Variants in CDH1 observed in about 807,000 individuals in gnomAD.
CDH1 encodes cadherin-1.
In CDH1, 35 loss-of-function variants were observed where a neutral mutation model predicts 84.5. The ratio of observed to expected loss-of-function variants is 0.41; its 90% CI spans 0.32 to 0.55. CDH1 has a LOEUF of 0.55. CDH1 is among the 20% of genes least tolerant of loss of function. The pLI, the probability that CDH1 is intolerant of heterozygous loss-of-function variation, is 0.19. For missense variants in CDH1, 994 were observed against 1,126.6 expected, an observed-to-expected ratio of 0.88 and a Z score of 1.68; for synonymous variants, 417 against 439.0, an observed-to-expected ratio of 0.95 and a Z score of 0.63.
intron 10 of CDH1, among the ~76,000 whole-genome samples, chr16:68,817,631 G>C (rs1021054285): frequency 6.6e-5 from 10 of 152,202 alleles, no homozygotes; most frequent in Admixed American, 2.0e-4. Flanking sequence ...GCACTAGGGA[G>C]GCCACAGCAT....
chr16:68,758,234 TG>T (rs1963073495), intron 2 of CDH1, among the ~76,000 whole-genome samples: 2 of 116,918 alleles, frequency 1.7e-5, no homozygotes, highest in African/African-American at 3.2e-5. Flanking sequence ...TTTTTTTTTT[TG>T]AGAGAGAGAG....
At chr16:68,771,525 G>A (rs567265147) in intron 2 of CDH1, among the ~76,000 whole-genome samples, 95 of 151,952 alleles carry the variant, frequency 6.3e-4, no homozygotes, top group Admixed American at 7.9e-4. Flanking sequence ...AGGTGGAGGC[G>A]GGTGGATCAC....
At position 68,793,593 on chromosome 16, in the gene CDH1, T is replaced by C. The variant is rs557605479; in HGVS notation, c.164-8077T>C. On this transcript the variant is annotated intron_variant, in intron 2 of 15. Transcript: ENST00000261769. The stretch of plus-strand genomic sequence containing the variant: ...TAAGTTCCTTCTCTGTTTCCCCATT[T>C]ATAGGAAAGGGATGCTGGCCAGGCG... 1.5e-3 allele frequency among the ~76,000 whole-genome samples: 225 copies of C among 152,284 alleles called. 1 individual carries two copies. The South Asian group carries it at 0.024, about 16-fold the overall frequency.
chr16:68,784,039 G>T (rs949113254), intron 2 of CDH1, among the ~76,000 whole-genome samples: 3 of 152,066 alleles, frequency 2.0e-5, no homozygotes, highest in African/African-American at 7.2e-5. Flanking sequence ...GATTTATCCA[G>T]CCCTCTGTCA....
chr16:68,737,627 C>A (rs1050086965), intron 1 of CDH1, among the ~76,000 whole-genome samples, 164 bp downstream of exon 1: 18 of 152,320 alleles, frequency 1.2e-4, no homozygotes, highest in Admixed American at 7.2e-4. Context: ...CCGGACCCCC[C>A]AGTGATGGGA....
At chr16:68,758,640 T>C (rs537831064) in intron 2 of CDH1, among the ~76,000 whole-genome samples, 1 of 130,752 alleles carries the variant, frequency 7.6e-6, no homozygotes, top group East Asian at 2.4e-4. Context: ...GTTTCTGCTT[T>C]AGACTTGTGT....
At position 68,822,183 on chromosome 16, in the gene CDH1, C is replaced by T. The variant is rs1961168795; in HGVS notation, c.1894C>T (p.His632Tyr). ...NTSPFTAELT[H>Y]GASANWTIQY... ...ATCTCCCTTCACAGCAGAACTAACA[C>T]ACGGGGCGAGTGCCAACTGGACCAT... Residue 632 changes from histidine (H) to tyrosine (Y), a missense_variant, in exon 12 of 16, where the codon CAC (histidine) becomes TAC (tyrosine). This residue lies in a region of CDH1 where 769 missense variants were observed against 881.8 expected (regional missense o/e 0.87). Transcript: ENST00000261769. 2 of 1,614,140 alleles carry T rather than the reference C, an allele frequency of 1.2e-6. No homozygotes were observed. The highest frequency in any genetic ancestry group is 1.7e-6 in the Non-Finnish European group (2 of 1,180,010).
At chr16:68,750,744 G>A (rs994021613) in intron 2 of CDH1, among the ~76,000 whole-genome samples, 3 of 144,450 alleles carry the variant, frequency 2.1e-5, no homozygotes, top group South Asian at 4.3e-4. Context: ...GGTCTCTGTC[G>A]CTCAGGCTGG....
chr16:68,791,668 C>A (rs891047551), intron 2 of CDH1, among the ~76,000 whole-genome samples: 1 of 152,154 alleles, frequency 6.6e-6, no homozygotes, highest in African/African-American at 2.4e-5. Flanking sequence ...GTGATCCTCT[C>A]ACCTCGGCCT....
rs1201791749 is a variant in CDH1 at position 68,834,534 on chromosome 16, A to G, written c.*1035A>G. On this transcript the variant is annotated 3_prime_UTR_variant, in exon 16 of 16. Transcript: ENST00000261769. ...GCCCAGCCTCCATGTTTTAATATCAACTCTCACTCCTGAATTCAGTTGCTT... is the reference window on the plus strand; with the variant it reads ...GCCCAGCCTCCATGTTTTAATATCAGCTCTCACTCCTGAATTCAGTTGCTT... The G allele has an allele frequency of 1.5e-5, 4 of 266,398 alleles. No homozygotes were observed. Among genetic ancestry groups the G allele is most frequent in the East Asian group, 6.0e-5 (1 of 16,536 alleles). 16.5% of individuals were successfully genotyped at this position (266,398 alleles called of 1,614,324 possible).
At chr16:68,832,639 G>A (rs1961514949) in intron 15 of CDH1, among the ~76,000 whole-genome samples, 1 of 152,008 alleles carries the variant, frequency 6.6e-6, no homozygotes, top group Non-Finnish European at 1.5e-5. Context: ...GGCCAACATG[G>A]TGAAACCCCG....
chr16:68,779,578 G>A (rs1017917405), intron 2 of CDH1, among the ~76,000 whole-genome samples: 41 of 152,188 alleles, frequency 2.7e-4, no homozygotes, highest in African/African-American at 8.0e-4. Flanking sequence ...GGGGTTGGCC[G>A]GGCACGATGG....
intron 11 of CDH1, among the ~76,000 whole-genome samples, chr16:68,819,922 G>T (rs998015995): frequency 1.3e-5 from 2 of 152,068 alleles, no homozygotes; most frequent in Admixed American, 6.6e-5. Flanking sequence ...AAGTGGGCTG[G>T]GCACGGTGAC....
chr16:68,825,482 C>T (rs1002776615), intron 13 of CDH1, among the ~76,000 whole-genome samples: 1 of 152,160 alleles, frequency 6.6e-6, no homozygotes, highest in African/African-American at 2.4e-5. Context: ...CTGCTGCTGC[C>T]TCAGTGGACT....
intron 2 of CDH1, among the ~76,000 whole-genome samples, chr16:68,760,782 T>C (rs1959213967): frequency 2.0e-5 from 3 of 151,466 alleles, no homozygotes; most frequent in Non-Finnish European, 4.4e-5. Context: ...AGAATTCAGG[T>C]GGGGTGGGAC....
In CDH1 at chr16:68,808,361, T is replaced by C; in HGVS notation, c.388-63T>C. On this transcript the variant is annotated intron_variant, in intron 3 of 15. Transcript: ENST00000261769. ...GGGACGCTGTCTGGCTAGGTTGGACTGTTAGACCTGAAGTATCCGTCTTGA... is the reference window on the plus strand; with the variant it reads ...GGGACGCTGTCTGGCTAGGTTGGACCGTTAGACCTGAAGTATCCGTCTTGA... The C allele has an allele frequency of 1.9e-6, 3 of 1,580,724 alleles. No individual in the cohort carries two copies. The South Asian group carries it at 3.3e-5, about 17-fold the overall frequency.
At chr16:68,830,381 A>G (rs1961455027) in intron 15 of CDH1, among the ~76,000 whole-genome samples, 1 of 152,182 alleles carries the variant, frequency 6.6e-6, no homozygotes. Context: ...AACTAGGAAG[A>G]TTCTAAGTAA....
intron 1 of CDH1, 126 bp from the exon 2 acceptor site, chr16:68,738,171 G>C (rs763441350): frequency 6.2e-4 from 402 of 648,312 alleles, no homozygotes; most frequent in Non-Finnish European, 9.5e-4. Context: ...CCGTCCCGGG[G>C]CTGCGGGCTG....
chr16:68,825,856 C>G (rs933313253), intron 13 of CDH1, among the ~76,000 whole-genome samples: 2 of 132,442 alleles, frequency 1.5e-5, no homozygotes, highest in Admixed American at 8.6e-5. Flanking sequence ...GTGGGCCCGG[C>G]TGGAGTGCAG....
Sources: gnomAD v4.1 joint callset for allele counts (sites outside exome capture counted in the v4.1 genomes callset) on GRCh38, gnomAD v4.1.1 for gene constraint, gnomAD v4.1.1 regional missense constraint, MANE v1.5 for transcripts, NCBI Gene and HGNC (gene_info 2026-07-23, HGNC 2026-07-21) for gene names.